Variants in PDIA6 observed in about 807,000 individuals in gnomAD.
The protein encoded by PDIA6 is protein disulfide-isomerase A6.
Under a neutral mutation model 58.4 loss-of-function variants are expected in PDIA6, and 29 were observed. The observed-to-expected ratio is 0.50, with a 90% CI of 0.37 to 0.68. The LOEUF (loss-of-function observed/expected upper bound fraction) is 0.68, where lower values mean the gene tolerates loss of function less well. Ranked by LOEUF, PDIA6 falls within the 30% of genes least tolerant of loss-of-function variation. The pLI, the probability that PDIA6 is intolerant of heterozygous loss-of-function variation, is 0.00. For synonymous variants in PDIA6, 192 were observed against 202.6 expected (o/e 0.95, Z 0.44); for missense variants, 480 against 551.0 (o/e 0.87, Z 1.29).
chr2:10,819,182 C>T, intron 2 of PDIA6: 1 of 709,352 alleles, frequency 1.4e-6, no homozygotes, highest in Non-Finnish European at 2.4e-6. Flanking sequence ...TTTGTTTATC[C>T]ATCCGTCTGT....
chr2:10,832,036 A>AAG (rs1667724528), intron 1 of PDIA6, among the ~76,000 whole-genome samples: 1 of 151,468 alleles, frequency 6.6e-6, no homozygotes, highest in Non-Finnish European at 1.5e-5. Context: ...AAAAAAAAAA[A>AAG]AGAGGAGAGA....
chr2:10,812,839 G>A, upstream of PDIA6: 1 of 1,170,346 alleles, frequency 8.5e-7, no homozygotes, highest in Non-Finnish European at 1.1e-6. Flanking sequence ...CGGGCCGGAA[G>A]GCGCTCGCCA....
chr2:10,784,342 A>G lies in PDIA6; in HGVS notation c.1255-16T>C. The G allele has an allele frequency of 6.2e-7, 1 of 1,609,398 alleles. No individual in the cohort carries two copies. The highest frequency in any genetic ancestry group is 8.5e-7 in the Non-Finnish European group (1 of 1,177,514). ...CCACGGGAAGCTGGGAGACGACAGAAAGCCACTGTTAGATCTGCAGAAGGG... is the reference window on the plus strand; with the variant it reads ...CCACGGGAAGCTGGGAGACGACAGAGAGCCACTGTTAGATCTGCAGAAGGG... On this transcript the variant is annotated splice_polypyrimidine_tract_variant and intron_variant, in intron 12 of 12. Coordinates refer to ENST00000272227, the MANE Select transcript of PDIA6 (RefSeq NM_005742.4).
intron 1 of PDIA6, chr2:10,810,334 T>C (rs1374853226): frequency 6.6e-6 from 10 of 1,526,606 alleles, no homozygotes; most frequent in Non-Finnish European, 8.7e-6. Flanking sequence ...AGGTAGACTG[T>C]GGCAGAATTA....
At chr2:10,787,728 C>T (rs562725851) in intron 10 of PDIA6, among the ~76,000 whole-genome samples, 51 of 151,932 alleles carry the variant, frequency 3.4e-4, no homozygotes, top group Non-Finnish European at 6.2e-4. Flanking sequence ...GCGCTAGGTA[C>T]CTGGGGAAAG....
chr2:10,827,254 G>A (rs1271816326), intron 1 of PDIA6, among the ~76,000 whole-genome samples: 2 of 151,940 alleles, frequency 1.3e-5, no homozygotes, highest in Non-Finnish European at 2.9e-5. Context: ...GTAGAGACGG[G>A]GTTTCACTAT....
intron 4 of PDIA6, among the ~76,000 whole-genome samples, chr2:10,794,148 A>AT (rs1666160845): frequency 6.6e-6 from 1 of 152,172 alleles, no homozygotes; most frequent in African/African-American, 2.4e-5. Context: ...GAATCTCTTT[A>AT]GAAAGTTCAT....
chr2:10,837,540 T>C (rs1667852886), exon 1 of PDIA6: 1 of 726,494 alleles, frequency 1.4e-6, no homozygotes, highest in Non-Finnish European at 2.5e-6. Context: ...CCGAGCGCCG[T>C]GCAAGTATCA....
intron 1 of PDIA6, among the ~76,000 whole-genome samples, chr2:10,810,876 G>A (rs1666974914): frequency 6.6e-6 from 1 of 152,178 alleles, no homozygotes; most frequent in South Asian, 2.1e-4. Flanking sequence ...ATTCCACTCA[G>A]TGATAATGAA....
chr2:10,809,089 G>A (rs909402402), intron 1 of PDIA6, among the ~76,000 whole-genome samples: 1 of 152,170 alleles, frequency 6.6e-6, no homozygotes, highest in Admixed American at 6.5e-5. Context: ...GATTACAGGC[G>A]TGAGCCACCG....
Position 10,789,883 on chromosome 2 carries a change from C to T in PDIA6, c.706G>A (p.Gly236Arg). The change falls in exon 8 of 13, where the codon GGA (glycine) becomes AGA (arginine). Residue 236 changes from glycine to arginine, a missense_variant. Physicochemically the swap from Gly to Arg is moderately radical, Grantham distance 125 (BLOSUM62 -2). Coordinates refer to ENST00000272227, the MANE Select transcript of PDIA6 (RefSeq NM_005742.4). ...QVLASRYGIR[G>R]FPTIKIFQKG... ...TGAAATATCTTGATTGTAGGAAATC[C>T]TCTAATCTATTAAAAAAAGGTCAGA... 2 of 1,612,422 alleles carry T rather than the reference C, an allele frequency of 1.2e-6. No individual in the cohort carries two copies. Among genetic ancestry groups the T allele is most frequent in the Non-Finnish European group, 1.7e-6 (2 of 1,179,018 alleles).
intron 1 of PDIA6, among the ~76,000 whole-genome samples, chr2:10,808,534 G>A (rs541127043): frequency 5.3e-5 from 8 of 152,290 alleles, no homozygotes; most frequent in African/African-American, 1.9e-4. Context: ...AGTGGGAGAG[G>A]CCAAAGATAA....
intron 2 of PDIA6, chr2:10,819,146 C>T (rs1324039666): frequency 1.6e-6 from 1 of 613,764 alleles, no homozygotes; most frequent in Non-Finnish European, 2.9e-6. Context: ...AGCAGAGTCA[C>T]ATTCCATCAT....
intron 8 of PDIA6, among the ~76,000 whole-genome samples, chr2:10,789,256 T>A (rs1221537710): frequency 7.1e-6 from 1 of 140,030 alleles, no homozygotes; most frequent in Non-Finnish European, 1.6e-5. Context: ...AGCCTGGCTC[T>A]GCCACTTACT....
At chr2:10,797,272 T>C (rs1277522037) in intron 3 of PDIA6, 65 bp from the exon 4 acceptor site, 2 of 1,520,906 alleles carry the variant, frequency 1.3e-6, no homozygotes, top group East Asian at 2.3e-5. Context: ...AAGAACTCAT[T>C]ATCTGCTTCA....
At chr2:10,814,823 T>A (rs73172401), upstream of PDIA6, among the ~76,000 whole-genome samples, 1,532 of 152,320 alleles carry the variant, frequency 0.01, 31 homozygotes, top group African/African-American at 0.035. Flanking sequence ...TCGCAGCCTC[T>A]CCAGGCCTGC....
At chr2:10,812,797 G>T, upstream of PDIA6, 1 of 1,212,598 alleles carries the variant, frequency 8.2e-7, no homozygotes, top group Non-Finnish European at 1.0e-6. Flanking sequence ...CCCCAGGCCA[G>T]TCCGGTGGTC....
chr2:10,804,389 T>C (rs1666647428), intron 1 of PDIA6, among the ~76,000 whole-genome samples: 1 of 111,698 alleles, frequency 9.0e-6, no homozygotes, highest in African/African-American at 2.7e-5. Context: ...TTTCTACATA[T>C]GGCTAGGCAG....
At chr2:10,791,971 C>T (rs1316585023) in intron 5 of PDIA6, 46 bp from the exon 6 acceptor site, 1 of 1,589,430 alleles carries the variant, frequency 6.3e-7, no homozygotes, top group Non-Finnish European at 8.6e-7. Flanking sequence ...CCAAGAAGAA[C>T]ACTTTTCCTG....
Sources: gnomAD v4.1 joint callset for allele counts (sites outside exome capture counted in the v4.1 genomes callset) on GRCh38, gnomAD v4.1.1 for gene constraint, MANE v1.5 for transcripts, NCBI Gene and HGNC (gene_info 2026-07-23, HGNC 2026-07-21) for gene names.